The following SYNE1 variants were observed in gnomAD, a reference collection of about 807,000 sequenced individuals.
The protein encoded by SYNE1 is spectrin repeat containing nuclear envelope protein 1, also known as nesprin-1.
A neutral mutation model predicts 1,111.0 loss-of-function variants in SYNE1; 616 were observed. The ratio of observed to expected loss-of-function variants is 0.55; its 90% confidence interval spans 0.52 to 0.59. The LOEUF is 0.59. SYNE1 is among the 20% of genes least tolerant of loss of function. The pLI is 0.00. For synonymous variants in SYNE1, 3,855 were observed against 3,825.8 expected, an observed-to-expected ratio of 1.01 and a Z score of -0.28; for missense variants, 10,006 against 10,417.0, an observed-to-expected ratio of 0.96 and a Z score of 1.72.
rs2095783144 is a variant in SYNE1 at position 152,318,185 on chromosome 6, T to C, written c.16468A>G (p.Asn5490Asp). The C allele has an allele frequency of 6.2e-7, 1 of 1,614,186 alleles. No individual in the cohort carries two copies. The highest frequency in any genetic ancestry group is 8.5e-7 in the Non-Finnish European group (1 of 1,180,032). ...GCCAGTGGCTTACCCAGTTGGCCAT[T>C]CTGTTCCAAGAATTTCTGTACTGCT... ...DAAVQKFLEQ[N>D]GQLGKPLAKK... Residue 5490 changes from asparagine to aspartate, a missense_variant, in exon 86 of 146, where the codon AAT (asparagine) becomes GAT (aspartate). Asn to Asp is a conservative substitution (Grantham distance 23, BLOSUM62 1). Coordinates refer to ENST00000367255, the MANE Select transcript of SYNE1 (RefSeq NM_182961.4).
intron 125 of SYNE1, among the ~76,000 whole-genome samples, chr6:152,206,796 G>T (rs575673222): frequency 6.6e-6 from 1 of 152,232 alleles, no homozygotes; most frequent in African/African-American, 2.4e-5. Context: ...ATGAGGATGC[G>T]CACATTCACT....
chr6:152,475,048 T>A (rs1034908288), intron 14 of SYNE1, among the ~76,000 whole-genome samples: 10 of 152,062 alleles, frequency 6.6e-5, no homozygotes, highest in African/African-American at 2.4e-4. Context: ...AAGACAGAGA[T>A]TACCAAATTG....
intron 115 of SYNE1, among the ~76,000 whole-genome samples, chr6:152,227,862 A>ATATATTTTTTATATATATATAAATATAT (rs2081953285): frequency 6.6e-6 from 1 of 152,188 alleles, no homozygotes; most frequent in Non-Finnish European, 1.5e-5. Context: ...TATAAAAAAT[A>ATATATTTTTTATATATATATAAATATAT]AAGGTGTGTT....
At chr6:152,568,371 C>T (rs564416907) in intron 3 of SYNE1, among the ~76,000 whole-genome samples, 347 of 138,062 alleles carry the variant, frequency 2.5e-3, no homozygotes, top group African/African-American at 8.4e-3. Flanking sequence ...GGCGAGATCT[C>T]GGCTCACTGC....
intron 36 of SYNE1, among the ~76,000 whole-genome samples, chr6:152,429,305 G>T (rs1316488220): frequency 1.3e-5 from 2 of 151,968 alleles, no homozygotes; most frequent in African/African-American, 4.8e-5. Flanking sequence ...TAGAATATTA[G>T]CCTCTTTGGT....
At chr6:152,342,186 T>G (rs1293847654) in intron 74 of SYNE1, among the ~76,000 whole-genome samples, 1 of 152,196 alleles carries the variant, frequency 6.6e-6, no homozygotes, top group Non-Finnish European at 1.5e-5. Context: ...CACGGCTTAC[T>G]CTGGTATGTG....
At chr6:152,132,311 C>A in intron 143 of SYNE1, 97 bp from the exon 144 acceptor site, 1 of 1,011,376 alleles carries the variant, frequency 9.9e-7, no homozygotes, top group East Asian at 2.4e-5. Context: ...TCCATCCACC[C>A]CCATGTCTCC....
intron 4 of SYNE1, among the ~76,000 whole-genome samples, chr6:152,528,848 A>G (rs2099180228): frequency 6.6e-6 from 1 of 152,226 alleles, no homozygotes; most frequent in South Asian, 2.1e-4. Flanking sequence ...TTTTCTATTG[A>G]TAATAAATAT....
chr6:152,401,435 G>A, intron 46 of SYNE1, 94 bp from the exon 47 acceptor site: 1 of 1,269,124 alleles, frequency 7.9e-7, no homozygotes, highest in Non-Finnish European at 1.1e-6. Context: ...AATTGTCAAA[G>A]CCACACAAGT....
At chr6:152,367,629 T>A (rs1424924553) in intron 61 of SYNE1, 1 of 516,404 alleles carries the variant, frequency 1.9e-6, no homozygotes, top group African/African-American at 1.9e-5. Context: ...ATGACTATCA[T>A]GATTATTTTA....
At chr6:152,318,786 C>T in intron 85 of SYNE1, 77 bp downstream of exon 85, 1 of 1,566,322 alleles carries the variant, frequency 6.4e-7, no homozygotes. Flanking sequence ...AGGTTTTTAT[C>T]CTATATCCCC....
intron 63 of SYNE1, among the ~76,000 whole-genome samples, chr6:152,362,663 C>T (rs1360854798): frequency 1.3e-5 from 2 of 152,148 alleles, no homozygotes; most frequent in African/African-American, 4.8e-5. Flanking sequence ...GGAGCCAAAG[C>T]TCTGGGCAGG....
At chr6:152,492,637 G>T (rs1018229272) in intron 11 of SYNE1, among the ~76,000 whole-genome samples, 7 of 152,192 alleles carry the variant, frequency 4.6e-5, no homozygotes, top group Non-Finnish European at 7.4e-5. Context: ...CTGGCCCAAG[G>T]CTCTCTGACT....
chr6:152,190,510 A>G (rs1363583560), intron 127 of SYNE1, among the ~76,000 whole-genome samples: 1 of 152,226 alleles, frequency 6.6e-6, no homozygotes, highest in African/African-American at 2.4e-5. Context: ...GGTATATGAG[A>G]TATTTTAATA....
At chr6:152,309,498 A>G (rs1311619767) in intron 90 of SYNE1, among the ~76,000 whole-genome samples, 1 of 152,238 alleles carries the variant, frequency 6.6e-6, no homozygotes, top group Non-Finnish European at 1.5e-5. Context: ...ACACAAGATA[A>G]CAGTAAACCT....
chr6:152,536,155 C>A (rs1169848377), intron 4 of SYNE1, among the ~76,000 whole-genome samples: 1 of 151,334 alleles, frequency 6.6e-6, no homozygotes, highest in Non-Finnish European at 1.5e-5. Context: ...TTTCTTCTCT[C>A]ATTCTGCCTC....
At chr6:152,217,938 G>A (rs2079137902) in intron 121 of SYNE1, among the ~76,000 whole-genome samples, 1 of 152,130 alleles carries the variant, frequency 6.6e-6, no homozygotes, top group South Asian at 2.1e-4. Flanking sequence ...TTTGAAAACA[G>A]GGCTGGGTGT....
In SYNE1 at chr6:152,498,736, T is replaced by A. The variant is rs758784599; in HGVS notation, c.939+6A>T. On this transcript the variant is annotated splice_donor_region_variant and intron_variant, in intron 11 of 145. Coordinates refer to ENST00000367255, the MANE Select transcript of SYNE1 (RefSeq NM_182961.4). ...GGTCATCAATGCAAGATTACTTAAA[T>A]CTTACCTTAAAATTTTGTACAGAAT... 9.7e-6 allele frequency: 15 copies of A among 1,551,324 alleles called. No individual in the cohort carries two copies. In the South Asian group the frequency reaches 1.2e-4, roughly 13 times the overall value.
At chr6:152,363,306 A>G (rs1442023937) in intron 63 of SYNE1, among the ~76,000 whole-genome samples, 3 of 148,852 alleles carry the variant, frequency 2.0e-5, no homozygotes, top group Non-Finnish European at 4.5e-5. Flanking sequence ...CATCCTGGCT[A>G]ACACAGTGAA....
Sources: gnomAD v4.1 joint callset for allele counts (sites outside exome capture counted in the v4.1 genomes callset) on GRCh38, gnomAD v4.1.1 for gene constraint, MANE v1.5 for transcripts, NCBI Gene and HGNC (gene_info 2026-07-23, HGNC 2026-07-21) for gene names.